Variants in MAGI2 observed in about 807,000 individuals in gnomAD.
MAGI2 encodes the protein membrane-associated guanylate kinase, WW and PDZ domain-containing protein 2.
Under a neutral mutation model 133.3 loss-of-function variants are expected in MAGI2, and 35 were observed. The ratio of observed to expected loss-of-function variants is 0.26; its 90% CI spans 0.20 to 0.35. The LOEUF (loss-of-function observed/expected upper bound fraction) is 0.35. Ranked by LOEUF, MAGI2 falls within the 10% of genes least tolerant of loss-of-function variation. The pLI is 1.00. For synonymous variants in MAGI2, 729 were observed against 710.6 expected, an observed-to-expected ratio of 1.03 and a Z score of -0.41; for missense variants, 1,636 against 1,863.4, an observed-to-expected ratio of 0.88 and a Z score of 2.25.
rs199628442 is a variant in MAGI2 at position 79,220,377 on chromosome 7, C to CA, written c.302-213172dup. ...TGAGGAAGAAAGGCTGGTAACAGGT[C>CA]AAAAAAAATGACAATATTTCATTTA... On this transcript the variant is annotated intron_variant, in intron 1 of 21. Coordinates refer to ENST00000354212, the MANE Select transcript of MAGI2 (RefSeq NM_012301.4). Among the ~76,000 whole-genome samples the CA allele has an allele frequency of 1.1e-3, 160 of 151,360 alleles. 2 individuals are homozygous for CA. In the East Asian group the frequency reaches 0.011, roughly 11 times the overall value.
chr7:78,393,975 G>C (rs977201286), intron 6 of MAGI2, among the ~76,000 whole-genome samples: 6 of 152,280 alleles, frequency 3.9e-5, no homozygotes, highest in Admixed American at 6.5e-5. Flanking sequence ...TAAAGGGAAA[G>C]AGTAAAGCTA....
intron 2 of MAGI2, among the ~76,000 whole-genome samples, chr7:78,758,714 AT>A (rs906058666): frequency 1.8e-4 from 28 of 152,106 alleles, no homozygotes; most frequent in Admixed American, 3.3e-4. Flanking sequence ...CTAGGCCACC[AT>A]TTTTTTGGGC....
In MAGI2 at chr7:78,201,531, A is replaced by C. The variant is rs1829250266; in HGVS notation, c.2048-338T>G. Among the ~76,000 whole-genome samples the C allele has an allele frequency of 2.0e-5, 3 of 152,212 alleles. No homozygotes were observed. The East Asian group carries it at 5.8e-4, about 29-fold the overall frequency. ...ATTGCACAGCCTTAGTGGGAAAGAGAGAGAGGATATTGACATACATTTTGA... is the reference window on the plus strand; with the variant it reads ...ATTGCACAGCCTTAGTGGGAAAGAGCGAGAGGATATTGACATACATTTTGA... On this transcript the variant is annotated intron_variant, in intron 10 of 21. Transcript: ENST00000354212.
chr7:78,531,215 G>GT (rs373643954), intron 3 of MAGI2, among the ~76,000 whole-genome samples: 21,750 of 135,630 alleles, frequency 0.16, 1,933 homozygotes, highest in Non-Finnish European at 0.19. Flanking sequence ...TATTAATTAA[G>GT]TTTTTTTTTT....
At chr7:79,393,374 C>T (rs1312290698) in intron 1 of MAGI2, among the ~76,000 whole-genome samples, 3 of 152,100 alleles carry the variant, frequency 2.0e-5, no homozygotes, top group Non-Finnish European at 2.9e-5. Context: ...TTTTATTTCT[C>T]TACTTTTCAT....
chr7:79,116,043 AAG>A (rs568480676), intron 1 of MAGI2, among the ~76,000 whole-genome samples: 2 of 152,038 alleles, frequency 1.3e-5, no homozygotes, highest in South Asian at 4.1e-4. Context: ...CGAGGCAGAC[AAG>A]AGGTTGAGGC....
chr7:78,845,864 A>G (rs113706471), intron 2 of MAGI2, among the ~76,000 whole-genome samples: 1 of 151,910 alleles, frequency 6.6e-6, no homozygotes, highest in Non-Finnish European at 1.5e-5. Context: ...ATTGGGTCAG[A>G]GGGGAGAGTG....
intron 1 of MAGI2, among the ~76,000 whole-genome samples, chr7:79,366,050 T>C (rs1340080746): frequency 6.6e-6 from 1 of 151,156 alleles, no homozygotes; most frequent in Non-Finnish European, 1.5e-5. Context: ...GAGACCAGCC[T>C]GGGCAACATG....
intron 3 of MAGI2, among the ~76,000 whole-genome samples, chr7:78,561,242 G>C (rs759713082): frequency 6.6e-6 from 1 of 152,182 alleles, no homozygotes; most frequent in Non-Finnish European, 1.5e-5. Flanking sequence ...GTGGGCTCAC[G>C]AGACAGATGA....
At chr7:78,576,227 T>C (rs973478153) in intron 3 of MAGI2, among the ~76,000 whole-genome samples, 1 of 152,104 alleles carries the variant, frequency 6.6e-6, no homozygotes, top group Non-Finnish European at 1.5e-5. Flanking sequence ...AGTTTAGAAC[T>C]TTTTCAAGAA....
chr7:79,287,561 T>C (rs1408821148), intron 1 of MAGI2, among the ~76,000 whole-genome samples: 1 of 152,126 alleles, frequency 6.6e-6, no homozygotes, highest in Non-Finnish European at 1.5e-5. Context: ...AATTTGAATA[T>C]CAACTTTTTT....
chr7:78,999,556 A>C (rs1806651064), intron 2 of MAGI2, among the ~76,000 whole-genome samples: 1 of 152,226 alleles, frequency 6.6e-6, no homozygotes. Context: ...CATATATGAC[A>C]TGAAACTAGA....
At position 78,546,367 on chromosome 7, in the gene MAGI2, C is replaced by G. The variant is rs17150992; in HGVS notation, c.539-24722G>C. 5.1e-3 allele frequency among the ~76,000 whole-genome samples: 777 copies of G among 151,944 alleles called. 14 individuals carry two copies. The East Asian group carries it at 0.065, about 13-fold the overall frequency. On this transcript the variant is annotated intron_variant, in intron 3 of 21. Transcript: ENST00000354212. ...GCTATAAGATCGTTAGGTAGCATACCAGATTTAAACATAATTGAACATGTA... is the reference window on the plus strand; with the variant it reads ...GCTATAAGATCGTTAGGTAGCATACGAGATTTAAACATAATTGAACATGTA...
In MAGI2 at chr7:78,085,550, C is replaced by CACACA. The variant is rs1554441619; in HGVS notation, c.3568-6466_3568-6465insTGTGT. 8.1e-3 allele frequency among the ~76,000 whole-genome samples: 976 copies of CACACA among 121,022 alleles called. 11 individuals are homozygous for CACACA. Among genetic ancestry groups the CACACA allele is most frequent in the South Asian group, 0.054 (195 of 3,640 alleles). The allele number at this position is 121,022 out of a possible 152,430, so 79.4% of individuals were successfully genotyped here. ...AAAACAAAACAAAATAATAAAACTC[C>CACACA]CACACACACACACACACACACACAC... On this transcript the variant is annotated intron_variant, in intron 20 of 21. Transcript: ENST00000354212.
chr7:78,118,302 TTA>T (rs1820078955), intron 20 of MAGI2, among the ~76,000 whole-genome samples: 1 of 152,172 alleles, frequency 6.6e-6, no homozygotes. Flanking sequence ...CAATGACTTT[TTA>T]GATATGACAC....
intron 1 of MAGI2, among the ~76,000 whole-genome samples, chr7:79,013,932 A>C (rs1808432157): frequency 6.6e-6 from 1 of 152,202 alleles, no homozygotes; most frequent in Non-Finnish European, 1.5e-5. Flanking sequence ...GACAATTTCT[A>C]TCCCTTCAAT....
intron 2 of MAGI2, among the ~76,000 whole-genome samples, chr7:78,795,404 T>C (rs1009580966): frequency 1.3e-5 from 2 of 151,998 alleles, no homozygotes; most frequent in African/African-American, 2.4e-5. Context: ...GGCATTTCTA[T>C]ACACTAACAA....
intron 3 of MAGI2, among the ~76,000 whole-genome samples, chr7:78,586,438 T>C (rs1399016908): frequency 6.6e-6 from 1 of 151,696 alleles, no homozygotes; most frequent in Non-Finnish European, 1.5e-5. Flanking sequence ...ATGATTAACA[T>C]TTTATATAAG....
At chr7:79,308,356 G>A (rs147715430) in intron 1 of MAGI2, among the ~76,000 whole-genome samples, 1 of 130,062 alleles carries the variant, frequency 7.7e-6, no homozygotes, top group Non-Finnish European at 1.6e-5. Context: ...ACTCAAAACA[G>A]AAGGTGTATA....
Sources: gnomAD v4.1 joint callset for allele counts (sites outside exome capture counted in the v4.1 genomes callset) on GRCh38, gnomAD v4.1.1 for gene constraint, MANE v1.5 for transcripts, NCBI Gene and HGNC (gene_info 2026-07-23, HGNC 2026-07-21) for gene names.